The following TENM4 variants were observed in gnomAD, a reference collection of about 807,000 sequenced individuals.
TENM4 encodes teneurin transmembrane protein 4, also known as teneurin-4.
Under a neutral mutation model 243.3 loss-of-function variants are expected in TENM4, and 82 were observed. The ratio of observed to expected loss-of-function variants is 0.34; its 90% CI spans 0.28 to 0.40. TENM4 has a LOEUF of 0.40. Among genes scored for constraint, TENM4 ranks in the 10% least tolerant of loss-of-function variants. The pLI, the probability that TENM4 is intolerant of heterozygous loss-of-function variation, is 1.00. For missense variants in TENM4, 3,138 were observed against 3,673.3 expected (o/e 0.85, Z 3.77); for synonymous variants, 1,412 against 1,456.3 (o/e 0.97, Z 0.69).
intron 1 of TENM4, among the ~76,000 whole-genome samples, chr11:79,402,487 A>G (rs1466502992): frequency 6.6e-6 from 1 of 152,244 alleles, no homozygotes; most frequent in Non-Finnish European, 1.5e-5. Context: ...TCCTTTTCTT[A>G]TGTGTGGTTT....
intron 1 of TENM4, among the ~76,000 whole-genome samples, chr11:79,332,563 G>C (rs1455266267): frequency 6.6e-6 from 1 of 151,996 alleles, no homozygotes; most frequent in African/African-American, 2.4e-5. Context: ...TGGGGTAGCA[G>C]TTTGCAAGCT....
intron 12 of TENM4, among the ~76,000 whole-genome samples, chr11:78,824,723 C>G (rs954185208): frequency 3.3e-5 from 5 of 152,046 alleles, no homozygotes; most frequent in African/African-American, 9.7e-5. Context: ...AGGCTAGTCT[C>G]GAACTCCTGA....
intron 6 of TENM4, among the ~76,000 whole-genome samples, chr11:78,919,878 A>G (rs777325733): frequency 7.9e-5 from 12 of 152,108 alleles, no homozygotes; most frequent in African/African-American, 1.2e-4. Flanking sequence ...TTAGAACTCA[A>G]CTCAGAGGCT....
intron 1 of TENM4, among the ~76,000 whole-genome samples, chr11:79,406,601 C>A (rs913474385): frequency 1.3e-5 from 2 of 152,122 alleles, no homozygotes; most frequent in Non-Finnish European, 2.9e-5. Flanking sequence ...CACACGCAAC[C>A]ATTTGGTCCC....
chr11:79,271,054 T>C (rs531777540), intron 2 of TENM4, among the ~76,000 whole-genome samples: 2 of 152,332 alleles, frequency 1.3e-5, no homozygotes, highest in Admixed American at 1.3e-4. Context: ...GGGAAATTGA[T>C]GACTTCTGAA....
intron 19 of TENM4, among the ~76,000 whole-genome samples, chr11:78,752,967 C>T (rs141056038): frequency 1.2e-3 from 182 of 152,318 alleles, no homozygotes; most frequent in Middle Eastern, 6.8e-3. Flanking sequence ...TAGGTTGAGA[C>T]TTTATGTACT....
At chr11:78,759,307 C>T (rs1054596923) in intron 18 of TENM4, among the ~76,000 whole-genome samples, 2 of 152,204 alleles carry the variant, frequency 1.3e-5, no homozygotes, top group African/African-American at 4.8e-5. Context: ...TAATTACAGC[C>T]CGAGCTGAGG....
chr11:78,891,340 C>G lies in TENM4; in HGVS notation c.750-4G>C. The stretch of plus-strand genomic sequence containing the variant: ...GAATGGCTGCTTGCCTAGGTTTCTA[C>G]GCACACATGGAGACATGAATGAAGC... On this transcript the variant is annotated splice_polypyrimidine_tract_variant and splice_region_variant and intron_variant, in intron 7 of 33. Coordinates refer to ENST00000278550, the MANE Select transcript of TENM4 (RefSeq NM_001098816.3). 6.4e-7 allele frequency: 1 copy of G among 1,551,046 alleles called. No individual in the cohort carries two copies. Among genetic ancestry groups the G allele is most frequent in the Non-Finnish European group, 8.7e-7 (1 of 1,146,648 alleles).
chr11:79,134,334 A>G (rs1862068250), intron 4 of TENM4, among the ~76,000 whole-genome samples: 1 of 152,194 alleles, frequency 6.6e-6, no homozygotes, highest in South Asian at 2.1e-4. Context: ...ACACTGCTGA[A>G]AGAAATCATA....
intron 4 of TENM4, among the ~76,000 whole-genome samples, chr11:79,137,421 G>A (rs1196330675): frequency 3.9e-5 from 6 of 152,080 alleles, no homozygotes; most frequent in Admixed American, 3.3e-4. Flanking sequence ...GGAAAACTAC[G>A]ACAGACCAAT....
chr11:78,873,184 G>A (rs922612821), intron 9 of TENM4, among the ~76,000 whole-genome samples: 9 of 152,100 alleles, frequency 5.9e-5, no homozygotes, highest in African/African-American at 1.9e-4. Flanking sequence ...ATCTGTGCAC[G>A]GAGCAAGGCA....
intron 29 of TENM4, among the ~76,000 whole-genome samples, chr11:78,677,249 CTT>C (rs67423363): frequency 1.7e-4 from 23 of 137,036 alleles, no homozygotes; most frequent in Admixed American, 3.0e-4. Flanking sequence ...AAGGGTTGAA[CTT>C]TTTTTTTTTT....
At chr11:78,732,813 C>T (rs553634023) in intron 20 of TENM4, among the ~76,000 whole-genome samples, 2 of 152,226 alleles carry the variant, frequency 1.3e-5, no homozygotes, top group East Asian at 3.9e-4. Flanking sequence ...TGAAATGAAC[C>T]ACTGCTGTGG....
At position 78,805,277 on chromosome 11, in the gene TENM4, T is replaced by TGGCC; in HGVS notation, c.2179+14_2179+15insGGCC. 5 of 1,402,532 alleles carry TGGCC rather than the reference T, an allele frequency of 3.6e-6. No homozygotes were observed. The highest frequency in any genetic ancestry group is 3.1e-5 in the East Asian group (1 of 32,218). 86.9% of individuals were successfully genotyped at this position (1,402,532 alleles called of 1,614,324 possible). A position where few individuals can be genotyped will look rare whatever the true frequency, so the allele number is the denominator to read the frequency against. ...CCCCTCCCTCTACCCATGCTTCTTC[T>TGGCC]CCCCCTGCATTTACCGATAGAACAG... On this transcript the variant is annotated intron_variant, in intron 15 of 33. Transcript: ENST00000278550.
intron 7 of TENM4, among the ~76,000 whole-genome samples, chr11:78,900,605 G>A (rs1007307442): frequency 3.3e-5 from 5 of 152,200 alleles, no homozygotes; most frequent in African/African-American, 9.7e-5. Flanking sequence ...ACTGTGCTGT[G>A]TGCTTCTTAT....
intron 4 of TENM4, among the ~76,000 whole-genome samples, chr11:79,140,864 T>C (rs1275200318): frequency 6.6e-6 from 1 of 152,030 alleles, no homozygotes; most frequent in East Asian, 1.9e-4. Flanking sequence ...GAAGCTGATT[T>C]AGACAGAAGA....
intron 6 of TENM4, among the ~76,000 whole-genome samples, chr11:79,027,250 A>G (rs1451659230): frequency 6.6e-6 from 1 of 152,198 alleles, no homozygotes. Context: ...GAGGGCTAGC[A>G]CTTCAACCCA....
At chr11:79,190,393 T>C (rs1863456849) in intron 3 of TENM4, among the ~76,000 whole-genome samples, 1 of 152,228 alleles carries the variant, frequency 6.6e-6, no homozygotes, top group Non-Finnish European at 1.5e-5. Context: ...TTGCACCTTG[T>C]AAATGGCAAA....
intron 1 of TENM4, among the ~76,000 whole-genome samples, chr11:79,355,077 T>C (rs1857474522): frequency 6.6e-6 from 1 of 152,196 alleles, no homozygotes; most frequent in South Asian, 2.1e-4. Context: ...CCAAACCTTT[T>C]TAACTTTTAG....
Sources: gnomAD v4.1 joint callset for allele counts (sites outside exome capture counted in the v4.1 genomes callset) on GRCh38, gnomAD v4.1.1 for gene constraint, MANE v1.5 for transcripts, NCBI Gene and HGNC (gene_info 2026-07-23, HGNC 2026-07-21) for gene names.